Variants in TENM3 observed in about 807,000 individuals in gnomAD.
TENM3 encodes the protein teneurin-3.
Under a neutral mutation model 255.1 loss-of-function variants are expected in TENM3, and 63 were observed. That is an observed-to-expected ratio of 0.25 (90% CI 0.20 to 0.30). The LOEUF is 0.30. Ranked by LOEUF, TENM3 falls within the 10% of genes least tolerant of loss-of-function variation. The pLI is 1.00. For synonymous variants in TENM3, 1,306 were observed against 1,322.3 expected (o/e 0.99, Z 0.27); for missense variants, 2,929 against 3,461.1 (o/e 0.85, Z 3.86).
intron 1 of TENM3, among the ~76,000 whole-genome samples, chr4:182,234,828 A>G (rs772856366): frequency 1.9e-4 from 29 of 152,212 alleles, no homozygotes; most frequent in Non-Finnish European, 5.9e-5. Context: ...AATACAGTCT[A>G]GTAAGTGTAC....
At chr4:182,491,852 G>A (rs1735331683) in intron 3 of TENM3, among the ~76,000 whole-genome samples, 1 of 152,130 alleles carries the variant, frequency 6.6e-6, no homozygotes, top group Non-Finnish European at 1.5e-5. Context: ...GAAGGGATTG[G>A]GATGCAGAAC....
chr4:182,015,282 T>G, the TENM3 span, among the ~76,000 whole-genome samples: 4,059 of 152,282 alleles, frequency 0.027, 154 homozygotes, highest in African/African-American at 0.092. Flanking sequence ...CAACAATAAC[T>G]GAGGATTCAA....
the TENM3 span, among the ~76,000 whole-genome samples, chr4:181,617,678 A>G: frequency 6.6e-6 from 1 of 152,204 alleles, no homozygotes; most frequent in African/African-American, 2.4e-5. Context: ...ATAATCGTCA[A>G]TGAGCTCATG....
intron 3 of TENM3, among the ~76,000 whole-genome samples, chr4:182,498,608 C>T (rs992338706): frequency 5.9e-5 from 9 of 151,998 alleles, no homozygotes; most frequent in Non-Finnish European, 1.3e-4. Flanking sequence ...AATCCCAGCA[C>T]TTTGTGAGGC....
At chr4:181,467,125 A>ATATTTGTTTTTTTTT in the TENM3 span, among the ~76,000 whole-genome samples, 1 of 17,616 alleles carries the variant, frequency 5.7e-5, no homozygotes. Context: ...ATATATATAT[A>ATATTTGTTTTTTTTT]TTTTTTTTTT....
chr4:181,591,549 G>C, the TENM3 span, among the ~76,000 whole-genome samples: 40 of 152,300 alleles, frequency 2.6e-4, no homozygotes, highest in East Asian at 6.9e-3. Context: ...CAACACCCAA[G>C]CTATGGACTG....
chr4:182,266,973 G>A (rs1048535789), intron 1 of TENM3, among the ~76,000 whole-genome samples: 7 of 152,086 alleles, frequency 4.6e-5, no homozygotes, highest in Admixed American at 2.0e-4. Flanking sequence ...ATCAACTATA[G>A]AACTCTAGCA....
Position 182,751,837 on chromosome 4 carries a change from C to G in TENM3, c.3667C>G (p.Pro1223Ala). The G allele has an allele frequency of 6.2e-7, 1 of 1,613,918 alleles. No homozygotes were observed. ...TCATAGATACTACCTTGCAACGGAT[C>G]CAGTCACGGGAGATCTGTACGTTTC... ...PAHRYYLATD[P>A]VTGDLYVSDT... is the part of the protein sequence containing the mutation. Residue 1223 changes from proline to alanine, a missense_variant, in exon 20 of 28, where the codon CCA (proline) becomes GCA (alanine). By Grantham distance (27) the Pro-to-Ala change is conservative (BLOSUM62 -1). This residue lies in a region of TENM3 where 1,608 missense variants were observed against 1,884.4 expected (regional missense o/e 0.85). Coordinates refer to ENST00000511685, the MANE Select transcript of TENM3 (RefSeq NM_001080477.4).
At chr4:181,851,915 C>G in the TENM3 span, among the ~76,000 whole-genome samples, 1 of 151,968 alleles carries the variant, frequency 6.6e-6, no homozygotes, top group East Asian at 1.9e-4. Context: ...TTCTACATGC[C>G]CAAAGAAAGC....
chr4:181,925,413 T>A, the TENM3 span, among the ~76,000 whole-genome samples: 1 of 152,338 alleles, frequency 6.6e-6, no homozygotes, highest in East Asian at 1.9e-4. Flanking sequence ...GTGTTACAAT[T>A]TATAAGTAAT....
the TENM3 span, among the ~76,000 whole-genome samples, chr4:181,779,275 A>C: frequency 6.6e-6 from 1 of 150,962 alleles, no homozygotes; most frequent in Admixed American, 6.6e-5. Context: ...TTATTTATTT[A>C]TTTATTTATT....
At chr4:181,979,096 A>T in the TENM3 span, among the ~76,000 whole-genome samples, 1 of 92,034 alleles carries the variant, frequency 1.1e-5, no homozygotes, top group Admixed American at 1.3e-4. Flanking sequence ...ATTAAGCCTG[A>T]CATATATATA....
the TENM3 span, among the ~76,000 whole-genome samples, chr4:181,613,718 T>C: frequency 6.6e-6 from 1 of 152,230 alleles, no homozygotes; most frequent in South Asian, 2.1e-4. Context: ...TGTTGATTTA[T>C]TCAGATAAAC....
At chr4:182,453,267 C>T (rs529590641) in intron 3 of TENM3, among the ~76,000 whole-genome samples, 1 of 152,184 alleles carries the variant, frequency 6.6e-6, no homozygotes, top group South Asian at 2.1e-4. Context: ...CCTTTTTGGT[C>T]TCCCAGAAAC....
chr4:181,562,154 GTTTC>G, the TENM3 span, among the ~76,000 whole-genome samples: 2 of 151,702 alleles, frequency 1.3e-5, no homozygotes, highest in African/African-American at 4.8e-5. Flanking sequence ...TACTTAATTA[GTTTC>G]TTTGTTTTGA....
chr4:182,743,470 TA>T (rs923115632), intron 19 of TENM3, 51 bp downstream of exon 19: 46 of 1,563,476 alleles, frequency 2.9e-5, no homozygotes, highest in African/African-American at 9.6e-5. Context: ...CGTGCCTCTT[TA>T]AAAAAAAGGT....
chr4:182,466,023 T>C (rs1732551762), intron 3 of TENM3, among the ~76,000 whole-genome samples: 1 of 152,210 alleles, frequency 6.6e-6, no homozygotes. Flanking sequence ...AAGTACGTTA[T>C]GGTTTATTAG....
chr4:182,679,821 T>G lies in TENM3; in HGVS notation c.1482T>G (p.Ala494=). Residue 494 remains alanine, a synonymous_variant, in exon 8 of 28, where the codon GCT becomes GCG. Coordinates refer to ENST00000511685, the MANE Select transcript of TENM3 (RefSeq NM_001080477.4). ...TGGATTCTGGAATCTGGCATCTGGC[T>G]TTTTATAATGATGGGAAAAATGCAG... is the stretch of plus-strand genomic sequence containing the variant. ...QYLDSGIWHL[A]FYNDGKNAEQ... is the part of the protein sequence containing the mutation. 6.2e-7 allele frequency: 1 copy of G among 1,613,876 alleles called. No individual in the cohort carries two copies. The highest frequency in any genetic ancestry group is 8.5e-7 in the Non-Finnish European group (1 of 1,179,824).
At chr4:182,195,719 C>T (rs1440501094) in intron 1 of TENM3, among the ~76,000 whole-genome samples, 1 of 152,040 alleles carries the variant, frequency 6.6e-6, no homozygotes, top group Non-Finnish European at 1.5e-5. Flanking sequence ...AGTCATAACC[C>T]TAAATTAATT....
Sources: gnomAD v4.1 joint callset for allele counts (sites outside exome capture counted in the v4.1 genomes callset) on GRCh38, gnomAD v4.1.1 for gene constraint, gnomAD v4.1.1 regional missense constraint, MANE v1.5 for transcripts, NCBI Gene and HGNC (gene_info 2026-07-23, HGNC 2026-07-21) for gene names.